Variants in GRIP1 observed in about 807,000 individuals in gnomAD.
The protein encoded by GRIP1 is glutamate receptor interacting protein 1, also known as glutamate receptor-interacting protein 1.
GRIP1 carries 45 observed loss-of-function variants against 129.9 expected under a neutral mutation model. The observed-to-expected ratio is 0.35, with a 90% CI of 0.27 to 0.44. GRIP1 has a LOEUF of 0.44. Among genes scored for constraint, GRIP1 ranks in the 20% least tolerant of loss-of-function variants. The pLI is 1.00. For missense variants in GRIP1, 1,196 were observed against 1,396.8 expected, an observed-to-expected ratio of 0.86 and a Z score of 2.29; for synonymous variants, 530 against 520.8, an observed-to-expected ratio of 1.02 and a Z score of -0.24.
At chr12:66,485,200 A>T (rs1470892457) in intron 7 of GRIP1, among the ~76,000 whole-genome samples, 1 of 152,170 alleles carries the variant, frequency 6.6e-6, no homozygotes, top group Non-Finnish European at 1.5e-5. Context: ...TGTTGTGGTC[A>T]GTCTTTTCCA....
rs181533256 is a variant in GRIP1 at position 67,044,272 on chromosome 12, C to T, written c.58+24778G>A. On this transcript the variant is annotated intron_variant, in intron 1 of 1. Coordinates refer to the GRIP1 transcript ENST00000643019. ...TTACATTCACCTAAGGGATTTAATCCCAAGAACTTTTTCCCCTAAATTTAA... is the reference window on the plus strand; with the variant it reads ...TTACATTCACCTAAGGGATTTAATCTCAAGAACTTTTTCCCCTAAATTTAA... 1.3e-4 allele frequency among the ~76,000 whole-genome samples: 20 copies of T among 152,174 alleles called. No homozygotes were observed. The South Asian group carries it at 3.9e-3, about 30-fold the overall frequency.
intron 7 of GRIP1, among the ~76,000 whole-genome samples, chr12:66,473,685 A>G (rs947405568): frequency 6.6e-6 from 1 of 152,214 alleles, no homozygotes; most frequent in Non-Finnish European, 1.5e-5. Flanking sequence ...ATATCCAGGC[A>G]AAGAGGGTCT....
At chr12:66,594,375 T>G (rs1056052436) in intron 2 of GRIP1, among the ~76,000 whole-genome samples, 1 of 152,198 alleles carries the variant, frequency 6.6e-6, no homozygotes, top group African/African-American at 2.4e-5. Context: ...GCTTGTCCAA[T>G]CCACAACCCA....
At chr12:66,814,276 C>T (rs1328337137) in intron 1 of GRIP1, among the ~76,000 whole-genome samples, 1 of 151,966 alleles carries the variant, frequency 6.6e-6, no homozygotes, top group Non-Finnish European at 1.5e-5. Flanking sequence ...CATAGGATTG[C>T]TGTGAGTATT....
chr12:66,792,906 A>C (rs78971917), intron 1 of GRIP1, among the ~76,000 whole-genome samples: 3,280 of 152,270 alleles, frequency 0.022, 69 homozygotes, highest in Middle Eastern at 0.061. Flanking sequence ...TATTCACTAA[A>C]AATGCATATA....
At chr12:66,900,439 C>G (rs1235295748) in intron 1 of GRIP1, among the ~76,000 whole-genome samples, 26 of 152,146 alleles carry the variant, frequency 1.7e-4, no homozygotes, top group Admixed American at 1.6e-3. Context: ...CACTGGACAC[C>G]AAATCTGCCA....
At chr12:66,951,878 C>T (rs1785872029) in intron 1 of GRIP1, among the ~76,000 whole-genome samples, 1 of 152,022 alleles carries the variant, frequency 6.6e-6, no homozygotes, top group Non-Finnish European at 1.5e-5. Flanking sequence ...GACCTGATGA[C>T]AGTGATGATG....
At chr12:66,543,942 G>A (rs1257395689) in intron 2 of GRIP1, among the ~76,000 whole-genome samples, 4 of 152,162 alleles carry the variant, frequency 2.6e-5, no homozygotes, top group South Asian at 2.1e-4. Context: ...TGAGAAGTAA[G>A]TTTCTATTCA....
chr12:66,471,129 G>A (rs554994808), intron 7 of GRIP1, among the ~76,000 whole-genome samples: 2 of 152,310 alleles, frequency 1.3e-5, no homozygotes, highest in East Asian at 3.9e-4. Context: ...AAGAAGGGTG[G>A]CAAGTGGCTC....
intron 1 of GRIP1, among the ~76,000 whole-genome samples, chr12:66,781,537 T>C (rs1294985540): frequency 6.6e-6 from 1 of 152,234 alleles, no homozygotes; most frequent in Non-Finnish European, 1.5e-5. Flanking sequence ...TGTTTTCTTA[T>C]TACACTCATA....
chr12:66,705,072 T>C (rs1240047224), intron 1 of GRIP1, among the ~76,000 whole-genome samples: 1 of 152,116 alleles, frequency 6.6e-6, no homozygotes, highest in Non-Finnish European at 1.5e-5. Context: ...AAGTACTTGT[T>C]GAATGAAGGG....
intron 7 of GRIP1, among the ~76,000 whole-genome samples, chr12:66,497,406 G>A (rs1477529365): frequency 6.6e-6 from 1 of 152,208 alleles, no homozygotes; most frequent in East Asian, 1.9e-4. Context: ...GGAGGGATTG[G>A]AGAATCACTT....
chr12:66,460,547 A>G (rs1414230596), intron 9 of GRIP1, among the ~76,000 whole-genome samples: 1 of 152,170 alleles, frequency 6.6e-6, no homozygotes, highest in Non-Finnish European at 1.5e-5. Context: ...AGTGGGAAAA[A>G]TTTCTAACCT....
chr12:66,379,121 C>T (rs932492982), intron 20 of GRIP1, among the ~76,000 whole-genome samples, 159 bp downstream of exon 20: 1 of 152,204 alleles, frequency 6.6e-6, no homozygotes, highest in African/African-American at 2.4e-5. Flanking sequence ...ACTGGTCAGG[C>T]AGCTTTTAGA....
At chr12:66,467,060 G>A (rs1388467777) in intron 7 of GRIP1, among the ~76,000 whole-genome samples, 1 of 152,164 alleles carries the variant, frequency 6.6e-6, no homozygotes, top group Non-Finnish European at 1.5e-5. Context: ...AAGGATTCTT[G>A]TATGTATTAA....
At chr12:66,802,827 C>G (rs751953730) in intron 1 of GRIP1, among the ~76,000 whole-genome samples, 4 of 151,982 alleles carry the variant, frequency 2.6e-5, no homozygotes, top group Non-Finnish European at 4.4e-5. Flanking sequence ...GGATATAGTA[C>G]GGAAACAAAA....
chr12:66,979,241 A>AAAAAAAAAAAAC (rs2042205255), intron 1 of GRIP1, among the ~76,000 whole-genome samples: 1 of 127,372 alleles, frequency 7.9e-6, no homozygotes, highest in African/African-American at 3.1e-5. Context: ...AAAAAAAAAA[A>AAAAAAAAAAAAC]AAAAAAAAAA....
chr12:66,516,660 T>C (rs1448319516), intron 6 of GRIP1, among the ~76,000 whole-genome samples: 1 of 152,104 alleles, frequency 6.6e-6, no homozygotes, highest in Non-Finnish European at 1.5e-5. Context: ...CAACTCTAAA[T>C]GTTAATAAGA....
intron 4 of GRIP1, 55 bp downstream of exon 4, chr12:66,539,023 C>T (rs1377541666): frequency 6.8e-7 from 1 of 1,468,330 alleles, no homozygotes; most frequent in Non-Finnish European, 9.6e-7. Flanking sequence ...TTTTAGGCAT[C>T]CACTGGGGGT....
Sources: allele counts gnomAD v4.1 joint callset (sites outside exome capture counted in the v4.1 genomes callset), GRCh38; gene constraint gnomAD v4.1.1; transcripts MANE v1.5; gene names NCBI Gene and HGNC (gene_info 2026-07-23, HGNC 2026-07-21).